Variants in CTSH observed in about 807,000 individuals in gnomAD.
CTSH encodes cathepsin H, also known as pro-cathepsin H.
CTSH carries 52 observed loss-of-function variants against 56.3 expected under a neutral mutation model. The ratio of observed to expected loss-of-function variants is 0.92; its 90% confidence interval spans 0.74 to 1.16. CTSH has a LOEUF of 1.16. CTSH is among the 50% of genes most tolerant of loss of function. The pLI, the probability that CTSH is intolerant of heterozygous loss-of-function variation, is 0.00. For missense variants in CTSH, 406 were observed against 424.5 expected, an observed-to-expected ratio of 0.96 and a Z score of 0.38; for synonymous variants, 174 against 155.7, an observed-to-expected ratio of 1.12 and a Z score of -0.88.
chr15:78,935,906 G>T (rs1300989375), intron 3 of CTSH, among the ~76,000 whole-genome samples, 156 bp from the exon 4 acceptor site: 1 of 152,178 alleles, frequency 6.6e-6, no homozygotes, highest in African/African-American at 2.4e-5. Context: ...TAATTCAGTA[G>T]ATAATTCAAT....
chr15:78,943,331 C>G (rs111965833), intron 1 of CTSH, among the ~76,000 whole-genome samples: 2,976 of 152,142 alleles, frequency 0.02, 90 homozygotes, highest in African/African-American at 0.069. Context: ...CAGTTTCAAG[C>G]GATTCTCCTG....
chr15:78,927,623 G>A (rs2054939699), intron 9 of CTSH, 90 bp downstream of exon 9: 3 of 1,131,222 alleles, frequency 2.7e-6, no homozygotes, highest in Non-Finnish European at 1.3e-6. Flanking sequence ...CAGAAGGGCT[G>A]CCTTGCTGGG....
chr15:78,929,889 G>C (rs2055011644), intron 7 of CTSH, among the ~76,000 whole-genome samples: 1 of 152,194 alleles, frequency 6.6e-6, no homozygotes, highest in Admixed American at 6.5e-5. Context: ...TGCTGTCACT[G>C]GCTGAGGCAA....
intron 1 of CTSH, among the ~76,000 whole-genome samples, chr15:78,940,363 C>G (rs1010732232): frequency 6.6e-6 from 1 of 152,010 alleles, no homozygotes; most frequent in African/African-American, 2.4e-5. Flanking sequence ...ACAGGCGAAT[C>G]CCTTGAGCCT....
intron 11 of CTSH, 95 bp downstream of exon 11, chr15:78,922,893 GTCTGT>G: frequency 7.0e-7 from 1 of 1,428,020 alleles, no homozygotes; most frequent in East Asian, 2.4e-5. Flanking sequence ...TGACCAGCTC[GTCTGT>G]GGAAGCCGTA....
Position 78,939,124 on chromosome 15 carries a change from G to A in CTSH, c.123+16C>T. On this transcript the variant is annotated intron_variant, in intron 2 of 11. Coordinates refer to ENST00000220166, the MANE Select transcript of CTSH (RefSeq NM_004390.5). ...GTGAAATGAAAAACTTCAAAAAGAAGAAGTTGGGCACTGACCTTAGACATC... is the reference window on the plus strand; with the variant it reads ...GTGAAATGAAAAACTTCAAAAAGAAAAAGTTGGGCACTGACCTTAGACATC... 1.3e-6 allele frequency: 2 copies of A among 1,588,174 alleles called. No individual in the cohort carries two copies. The highest frequency in any genetic ancestry group is 1.7e-6 in the Non-Finnish European group (2 of 1,168,602).
At position 78,923,019 on chromosome 15, in the gene CTSH, A is replaced by G; in HGVS notation, c.906T>C (p.Ser302=). Residue 302 remains serine (S), a synonymous_variant, in exon 11 of 12, where the codon TCT becomes TCC. Coordinates refer to ENST00000220166, the MANE Select transcript of CTSH (RefSeq NM_004390.5). ...NGIPYWIVKN[S]WGPQWGMNGY... is the part of the protein sequence containing the mutation. ...CGTTCATTCCCCACTGGGGACCCCA[A>G]GAGTTTTTCACGATCCAGTAAGGGA... 1.2e-6 allele frequency: 2 copies of G among 1,612,648 alleles called. No individual in the cohort carries two copies. The highest frequency in any genetic ancestry group is 2.2e-5 in the East Asian group (1 of 44,740).
At chr15:78,929,586 A>G in intron 7 of CTSH, 93 bp from the exon 8 acceptor site, 2 of 808,384 alleles carry the variant, frequency 2.5e-6, no homozygotes, top group South Asian at 1.8e-5. Flanking sequence ...CTGGCCTGGC[A>G]GGCTGGGGAC....
chr15:78,926,624 G>A (rs2054908636), intron 9 of CTSH: 1 of 152,244 alleles, frequency 6.6e-6, no homozygotes, highest in African/African-American at 2.4e-5. Flanking sequence ...ACATTCTGAA[G>A]AGGGTGACAT....
At chr15:78,937,751 C>T in intron 2 of CTSH, 2 of 1,325,444 alleles carry the variant, frequency 1.5e-6, no homozygotes, top group Non-Finnish European at 2.0e-6. Flanking sequence ...GCAAAGATCA[C>T]CATTTTTCAA....
At chr15:78,933,917 C>T (rs1290041899) in intron 5 of CTSH, among the ~76,000 whole-genome samples, 3 of 152,176 alleles carry the variant, frequency 2.0e-5, no homozygotes, top group East Asian at 1.9e-4. Flanking sequence ...TTAGCCCAGC[C>T]GGCTGCGTCC....
intron 9 of CTSH, 95 bp from the exon 10 acceptor site, chr15:78,925,535 C>T: frequency 1.3e-6 from 1 of 794,872 alleles, no homozygotes; most frequent in Non-Finnish European, 2.1e-6. Context: ...GGCTAGAGGC[C>T]CAGAGCAGCA....
Position 78,923,017 on chromosome 15 carries a change from C to A in CTSH, c.908G>T (p.Trp303Leu). 6.8e-6 allele frequency: 11 copies of A among 1,612,616 alleles called. No individual in the cohort carries two copies. The highest frequency in any genetic ancestry group is 9.3e-6 in the Non-Finnish European group (11 of 1,179,500). ...GIPYWIVKNS[W>L]GPQWGMNGYF... is the part of the protein sequence containing the mutation. ...CCCGTTCATTCCCCACTGGGGACCC[C>A]AAGAGTTTTTCACGATCCAGTAAGG... Residue 303 changes from tryptophan to leucine, a missense_variant, in exon 11 of 12, where the codon TGG (tryptophan) becomes TTG (leucine). Physicochemically the swap from Trp to Leu is moderately conservative, Grantham distance 61. Coordinates refer to ENST00000220166, the MANE Select transcript of CTSH (RefSeq NM_004390.5).
chr15:78,924,400 A>AG (rs1456325599), intron 10 of CTSH, among the ~76,000 whole-genome samples: 1 of 151,992 alleles, frequency 6.6e-6, no homozygotes, highest in South Asian at 2.1e-4. Flanking sequence ...GTGGGGGGTT[A>AG]GGGGGTCCAA....
chr15:78,928,413 A>AAAAC lies in CTSH; in HGVS notation c.631-633_631-632insGTTT, dbSNP rs561890436. ...AACCCTGTCTCTACTAAAAATATAAAAAGTTAGCTGGGCGTGGTGGCGGGT... is the reference window on the plus strand; with the variant it reads ...AACCCTGTCTCTACTAAAAATATAAAAAACAAGTTAGCTGGGCGTGGTGGCGGGT... On this transcript the variant is annotated intron_variant, in intron 8 of 11. Transcript: ENST00000220166. 1.0e-3 allele frequency among the ~76,000 whole-genome samples: 131 copies of AAAAC among 124,774 alleles called. 11 individuals are homozygous for AAAAC. The highest frequency in any genetic ancestry group is 6.1e-3 in the East Asian group (18 of 2,968). The allele number at this position is 124,774 out of a possible 152,430, so 81.9% of individuals were successfully genotyped here. A position where few individuals can be genotyped will look rare whatever the true frequency, so the allele number is the denominator to read the frequency against.
intron 1 of CTSH, among the ~76,000 whole-genome samples, chr15:78,944,072 C>A (rs759031632): frequency 6.6e-6 from 1 of 152,224 alleles, no homozygotes; most frequent in African/African-American, 2.4e-5. Flanking sequence ...TCAGGGCACC[C>A]CCCCTCCCTA....
rs752664784 is a variant in CTSH at position 78,937,341 on chromosome 15, T to C, written c.206A>G (p.Asn69Ser). 1.9e-6 allele frequency: 3 copies of C among 1,614,048 alleles called. No individual in the cohort carries two copies. The Admixed American group carries it at 5.0e-5, about 27-fold the overall frequency. ...ASNWRKINAHNNGNHTFKMAL... is the reference protein window; with the variant it reads ...ASNWRKINAHSNGNHTFKMAL... ...ACTTTTAAATGTGTGGTTCCCATTG[T>C]TGTGGGCGTTTATCTTCCTCCAGTT... The change falls in exon 3 of 12, where the codon AAC becomes AGC. Residue 69 changes from asparagine to serine, a missense_variant. Physicochemically the swap from Asn to Ser is conservative, Grantham distance 46. Transcript: ENST00000220166.
Position 78,927,691 on chromosome 15 carries a change from C to A in CTSH, c.699+22G>T, listed in dbSNP as rs185252718. On this transcript the variant is annotated intron_variant, in intron 9 of 11. Coordinates refer to ENST00000220166, the MANE Select transcript of CTSH (RefSeq NM_004390.5). ...TCCTCATCAGGACACATTCCCCATCCCAGAGGGGGATCGGCACTCACGATT... is the reference window on the plus strand; with the variant it reads ...TCCTCATCAGGACACATTCCCCATCACAGAGGGGGATCGGCACTCACGATT... 9.9e-6 allele frequency: 16 copies of A among 1,611,064 alleles called. No individual in the cohort carries two copies. The East Asian group carries it at 3.6e-4, about 36-fold the overall frequency.
chr15:78,923,621 A>C (rs192789662), intron 10 of CTSH, among the ~76,000 whole-genome samples: 1 of 152,054 alleles, frequency 6.6e-6, no homozygotes, highest in Non-Finnish European at 1.5e-5. Context: ...TGCTTCTGTC[A>C]GGAGAATCTC....
Sources: allele counts gnomAD v4.1 joint callset (sites outside exome capture counted in the v4.1 genomes callset), GRCh38; gene constraint gnomAD v4.1.1; transcripts MANE v1.5; gene names NCBI Gene and HGNC (gene_info 2026-07-23, HGNC 2026-07-21).